Variants in SLC9B1 observed in about 807,000 individuals in gnomAD.
The protein encoded by SLC9B1 is solute carrier family 9 member B1, also known as sodium/hydrogen exchanger 9B1.
Under a neutral mutation model 51.7 loss-of-function variants are expected in SLC9B1, and 32 were observed. That is an observed-to-expected ratio of 0.62 (90% confidence interval 0.47 to 0.83). The LOEUF is 0.83. SLC9B1 is among the 40% of genes least tolerant of loss of function. The pLI, the probability that SLC9B1 is intolerant of heterozygous loss-of-function variation, is 0.00. For synonymous variants in SLC9B1, 145 were observed against 212.7 expected, an observed-to-expected ratio of 0.68 and a Z score of 2.77; for missense variants, 406 against 613.2, an observed-to-expected ratio of 0.66 and a Z score of 3.57.
intron 11 of SLC9B1, chr4:102,888,644 T>A (rs1734066576): frequency 6.6e-6 from 1 of 152,264 alleles, no homozygotes; most frequent in Non-Finnish European, 1.5e-5. Context: ...TCATAATAGC[T>A]ATCCTTAGCC....
intron 11 of SLC9B1, chr4:102,891,061 C>G (rs753955073): frequency 6.6e-6 from 1 of 151,006 alleles, no homozygotes; most frequent in Non-Finnish European, 1.5e-5. Flanking sequence ...AGATCCAGAA[C>G]AAGGAAATGA....
chr4:102,991,863 G>T (rs1047835444), intron 1 of SLC9B1, 151 bp from the exon 2 acceptor site: 4 of 524,160 alleles, frequency 7.6e-6, no homozygotes, highest in South Asian at 3.1e-5. Context: ...AGTCAACATA[G>T]ATCCAAATAT....
chr4:102,905,800 A>G (rs1398598950), intron 10 of SLC9B1, 150 bp from the exon 11 acceptor site: 2 of 712,320 alleles, frequency 2.8e-6, no homozygotes, highest in Admixed American at 6.0e-5. Context: ...AATGATTATA[A>G]AAAATGAATA....
At position 102,978,985 on chromosome 4, in the gene SLC9B1, T is replaced by C. The variant is rs188247916; in HGVS notation, c.211+10815A>G. ...GGTTATACTCATTATTAAAAGCTTT[T>C]TAAATATGATGCTGTGAAAGGTGTT... On this transcript the variant is annotated intron_variant, in intron 3 of 11. Coordinates refer to ENST00000296422, the MANE Select transcript of SLC9B1 (RefSeq NM_139173.4). Among the ~76,000 whole-genome samples, 155 of 152,346 alleles carry C rather than the reference T, an allele frequency of 1.0e-3. 2 individuals are homozygous for C. The highest frequency in any genetic ancestry group is 0.01 in the Admixed American group (155 of 15,292).
rs535734040 is a variant in SLC9B1, at chr4:102,987,503, C to T, written c.211+2297G>A. Among the ~76,000 whole-genome samples the T allele has an allele frequency of 1.1e-4, 17 of 152,180 alleles. 1 individual carries two copies. In the South Asian group the frequency reaches 3.5e-3, roughly 32 times the overall value. ...AAAAATCAACAACTCTTCTTAGATC[C>T]ATCAGATCTAAGTTGGTTAGGCTCT... On this transcript the variant is annotated intron_variant, in intron 3 of 11. Transcript: ENST00000296422.
chr4:102,988,860 G>A (rs954457446), intron 3 of SLC9B1, among the ~76,000 whole-genome samples: 1 of 152,018 alleles, frequency 6.6e-6, no homozygotes, highest in African/African-American at 2.4e-5. Context: ...GCAAACTGTA[G>A]TCCACACTCA....
At chr4:102,959,814 G>T (rs1009703168) in intron 3 of SLC9B1, among the ~76,000 whole-genome samples, 1 of 152,102 alleles carries the variant, frequency 6.6e-6, no homozygotes, top group Non-Finnish European at 1.5e-5. Context: ...ATTTGACACT[G>T]TATTTTATAA....
At chr4:102,985,750 C>A (rs372364441) in intron 3 of SLC9B1, among the ~76,000 whole-genome samples, 1 of 152,106 alleles carries the variant, frequency 6.6e-6, no homozygotes, top group African/African-American at 2.4e-5. Flanking sequence ...GTCTCAAACT[C>A]CTGACCTCAA....
chr4:102,941,947 A>T (rs1737025008), intron 6 of SLC9B1, among the ~76,000 whole-genome samples: 1 of 152,158 alleles, frequency 6.6e-6, no homozygotes, highest in Non-Finnish European at 1.5e-5. Flanking sequence ...CTGATAAATG[A>T]ATTCAGTAAC....
chr4:102,961,209 A>G (rs1478922837), intron 3 of SLC9B1, among the ~76,000 whole-genome samples: 1 of 152,242 alleles, frequency 6.6e-6, no homozygotes, highest in Non-Finnish European at 1.5e-5. Context: ...TGCAATTCAA[A>G]GAATTTTGCG....
intron 3 of SLC9B1, among the ~76,000 whole-genome samples, chr4:102,984,484 A>G (rs1467403150): frequency 6.6e-6 from 1 of 152,104 alleles, no homozygotes; most frequent in Admixed American, 6.6e-5. Context: ...GTGTTGTTTA[A>G]TCTTTAAGTA....
intron 3 of SLC9B1, among the ~76,000 whole-genome samples, chr4:102,958,254 C>T (rs1030806419): frequency 8.6e-5 from 13 of 151,922 alleles, no homozygotes; most frequent in African/African-American, 2.4e-4. Context: ...TGTGAGATCT[C>T]GTCATTTAAA....
At chr4:102,982,658 G>C (rs1275660023) in intron 3 of SLC9B1, among the ~76,000 whole-genome samples, 1 of 152,034 alleles carries the variant, frequency 6.6e-6, no homozygotes. Context: ...TAATGTAAAT[G>C]GTGCTGTTTT....
At chr4:102,971,170 A>C (rs1311874841) in intron 3 of SLC9B1, among the ~76,000 whole-genome samples, 1 of 152,198 alleles carries the variant, frequency 6.6e-6, no homozygotes, top group Non-Finnish European at 1.5e-5. Context: ...TCCACCCTAA[A>C]TCAACAGAAT....
At chr4:102,969,930 G>A (rs1166556596) in intron 3 of SLC9B1, among the ~76,000 whole-genome samples, 1 of 151,912 alleles carries the variant, frequency 6.6e-6, no homozygotes, top group Non-Finnish European at 1.5e-5. Flanking sequence ...GAGAAGGGAA[G>A]TTTAGAGAAA....
At chr4:102,916,831 C>T (rs1041524018) in intron 7 of SLC9B1, among the ~76,000 whole-genome samples, 4 of 152,056 alleles carry the variant, frequency 2.6e-5, no homozygotes, top group African/African-American at 4.8e-5. Context: ...CTCTGTTAAC[C>T]AATTGGCCTG....
chr4:102,948,236 A>G (rs1379070362), intron 4 of SLC9B1, among the ~76,000 whole-genome samples: 1 of 151,776 alleles, frequency 6.6e-6, no homozygotes, highest in Non-Finnish European at 1.5e-5. Context: ...GGTGACTGAA[A>G]CTTAATCCAA....
At chr4:102,965,027 C>A (rs1183358664) in intron 3 of SLC9B1, among the ~76,000 whole-genome samples, 1 of 151,984 alleles carries the variant, frequency 6.6e-6, no homozygotes, top group Non-Finnish European at 1.5e-5. Flanking sequence ...ATACCACACC[C>A]CCTCCCAGAC....
At chr4:102,886,069 A>C (rs893722680) in intron 11 of SLC9B1, among the ~76,000 whole-genome samples, 2 of 152,168 alleles carry the variant, frequency 1.3e-5, no homozygotes, top group East Asian at 1.9e-4. Flanking sequence ...GTAATAGCAA[A>C]ATTTTTATAA....
Sources: gnomAD v4.1 joint callset for allele counts (sites outside exome capture counted in the v4.1 genomes callset) on GRCh38, gnomAD v4.1.1 for gene constraint, MANE v1.5 for transcripts, NCBI Gene and HGNC (gene_info 2026-07-23, HGNC 2026-07-21) for gene names.